Variants in EML4 observed in about 807,000 individuals in gnomAD.
The protein encoded by EML4 is echinoderm microtubule-associated protein-like 4.
Under a neutral mutation model 129.0 loss-of-function variants are expected in EML4, and 72 were observed. The ratio of observed to expected loss-of-function variants is 0.56; its 90% CI spans 0.46 to 0.68. EML4 has a LOEUF of 0.68. Ranked by LOEUF, EML4 falls within the 30% of genes least tolerant of loss-of-function variation. The pLI, the probability that EML4 is intolerant of heterozygous loss-of-function variation, is 0.00. For missense variants in EML4, 1,363 were observed against 1,190.6 expected, an observed-to-expected ratio of 1.14 and a Z score of -2.13; for synonymous variants, 532 against 405.0, an observed-to-expected ratio of 1.31 and a Z score of -3.77.
intron 18 of EML4, among the ~76,000 whole-genome samples, chr2:42,316,845 G>A (rs1415832068): frequency 6.6e-6 from 1 of 152,146 alleles, no homozygotes; most frequent in Admixed American, 6.5e-5. Context: ...TAAGCTATAA[G>A]CCTTTTGAGT....
intron 1 of EML4, among the ~76,000 whole-genome samples, chr2:42,228,652 C>A (rs1261687943): frequency 6.6e-6 from 1 of 152,172 alleles, no homozygotes; most frequent in Non-Finnish European, 1.5e-5. Context: ...AAATAACTTG[C>A]TCCAGAGACC....
At chr2:42,185,679 G>A (rs1311290962) in intron 1 of EML4, among the ~76,000 whole-genome samples, 4 of 152,284 alleles carry the variant, frequency 2.6e-5, no homozygotes, top group South Asian at 4.1e-4. Flanking sequence ...TATCTTCAGC[G>A]TCATGCTGAA....
intron 11 of EML4, among the ~76,000 whole-genome samples, chr2:42,293,584 C>T (rs1168004608): frequency 6.6e-6 from 1 of 152,034 alleles, no homozygotes; most frequent in East Asian, 1.9e-4. Context: ...TTATTTTTAA[C>T]TCGGTTCATA....
At chr2:42,321,246 G>A (rs1266364251) in intron 19 of EML4, among the ~76,000 whole-genome samples, 1 of 152,040 alleles carries the variant, frequency 6.6e-6, no homozygotes, top group Non-Finnish European at 1.5e-5. Flanking sequence ...AGCCGGGCGT[G>A]GTGGCGGGTG....
At chr2:42,307,969 A>G (rs1192156140) in intron 17 of EML4, among the ~76,000 whole-genome samples, 1 of 152,232 alleles carries the variant, frequency 6.6e-6, no homozygotes, top group East Asian at 1.9e-4. Context: ...ACATTTTTCT[A>G]GTAGAATGCA....
chr2:42,229,634 G>C (rs1558521354), intron 1 of EML4, among the ~76,000 whole-genome samples: 1 of 152,110 alleles, frequency 6.6e-6, no homozygotes, highest in Non-Finnish European at 1.5e-5. Context: ...TTTGTCAGAG[G>C]AATCAGGGAG....
intron 14 of EML4, among the ~76,000 whole-genome samples, chr2:42,302,094 C>T (rs1668316729): frequency 6.6e-6 from 1 of 152,078 alleles, no homozygotes; most frequent in Admixed American, 6.5e-5. Context: ...ACACAGCATT[C>T]ACTGAGATTG....
At chr2:42,237,941 T>G (rs2104249765) in intron 1 of EML4, among the ~76,000 whole-genome samples, 1 of 152,306 alleles carries the variant, frequency 6.6e-6, no homozygotes, top group African/African-American at 2.4e-5. Flanking sequence ...TGGTAGCATA[T>G]AAGTTCAGAG....
At chr2:42,275,579 A>T (rs1223588559) in intron 6 of EML4, among the ~76,000 whole-genome samples, 1 of 152,226 alleles carries the variant, frequency 6.6e-6, no homozygotes, top group African/African-American at 2.4e-5. Flanking sequence ...ACAATATCCT[A>T]CAGAATTTCT....
At chr2:42,176,803 T>C (rs1381413523) in intron 1 of EML4, among the ~76,000 whole-genome samples, 1 of 152,104 alleles carries the variant, frequency 6.6e-6, no homozygotes, top group Non-Finnish European at 1.5e-5. Flanking sequence ...TATTTATTTA[T>C]TTTTTTATGA....
chr2:42,181,180 G>C (rs1003244697), intron 1 of EML4, among the ~76,000 whole-genome samples: 2 of 152,162 alleles, frequency 1.3e-5, no homozygotes, highest in African/African-American at 4.8e-5. Flanking sequence ...GTTTTAGCTG[G>C]TAGTTGATAG....
At chr2:42,202,007 C>T (rs991232126) in intron 1 of EML4, among the ~76,000 whole-genome samples, 6 of 151,370 alleles carry the variant, frequency 4.0e-5, no homozygotes, top group Non-Finnish European at 7.4e-5. Context: ...CGCTTGAACT[C>T]GGGGGGCAGA....
intron 1 of EML4, among the ~76,000 whole-genome samples, chr2:42,232,767 A>G (rs886540111): frequency 6.6e-6 from 1 of 152,176 alleles, no homozygotes; most frequent in African/African-American, 2.4e-5. Context: ...TGTGTCGCCC[A>G]GGCTGGAGTG....
intron 1 of EML4, among the ~76,000 whole-genome samples, chr2:42,196,780 C>A (rs1484783589): frequency 2.0e-5 from 3 of 152,176 alleles, no homozygotes; most frequent in Non-Finnish European, 2.9e-5. Flanking sequence ...TCTGCCCATG[C>A]AGGAGTTTGT....
chr2:42,179,127 C>G (rs534098651), intron 1 of EML4, among the ~76,000 whole-genome samples: 1 of 152,194 alleles, frequency 6.6e-6, no homozygotes, highest in Admixed American at 6.5e-5. Flanking sequence ...TTGTGTGTCT[C>G]TGCATGTGAT....
chr2:42,226,245 C>T (rs1414573930), intron 1 of EML4, among the ~76,000 whole-genome samples: 2 of 151,960 alleles, frequency 1.3e-5, no homozygotes, highest in Non-Finnish European at 2.9e-5. Context: ...TAATTCTTAG[C>T]CATGACACTG....
At chr2:42,184,289 T>C (rs1671117241) in intron 1 of EML4, among the ~76,000 whole-genome samples, 1 of 152,076 alleles carries the variant, frequency 6.6e-6, no homozygotes, top group Admixed American at 6.6e-5. Context: ...AACGTGCAGG[T>C]TTGTTACATA....
chr2:42,250,259 T>C (rs1164541023), intron 2 of EML4, among the ~76,000 whole-genome samples: 1 of 152,100 alleles, frequency 6.6e-6, no homozygotes, highest in Non-Finnish European at 1.5e-5. Flanking sequence ...AAAATTGAAA[T>C]ATAGGGGTCA....
chr2:42,329,549 T>C (rs965446051), intron 22 of EML4, among the ~76,000 whole-genome samples, 185 bp from the exon 23 acceptor site: 1 of 152,182 alleles, frequency 6.6e-6, no homozygotes, highest in Admixed American at 6.5e-5. Flanking sequence ...GTTTTTCCTA[T>C]GTAAAGTGAT....
Sources: allele counts gnomAD v4.1 joint callset (sites outside exome capture counted in the v4.1 genomes callset), GRCh38; gene constraint gnomAD v4.1.1; transcripts MANE v1.5; gene names NCBI Gene and HGNC (gene_info 2026-07-23, HGNC 2026-07-21).